FBXL7: variants seen among roughly 807,000 people sequenced by gnomAD.
FBXL7 encodes F-box/LRR-repeat protein 7.
FBXL7 carries 12 observed loss-of-function variants against 38.3 expected under a neutral mutation model. That is an observed-to-expected ratio of 0.31 (90% CI 0.20 to 0.51). FBXL7 has a LOEUF of 0.51. Ranked by LOEUF, FBXL7 falls within the 20% of genes least tolerant of loss-of-function variation. The pLI, the probability that FBXL7 is intolerant of heterozygous loss-of-function variation, is 0.98. For synonymous variants in FBXL7, 297 were observed against 300.9 expected (o/e 0.99, Z 0.13); for missense variants, 567 against 676.4 (o/e 0.84, Z 1.79).
chr5:15,778,661 C>T (rs567316925), intron 2 of FBXL7, among the ~76,000 whole-genome samples: 71 of 152,240 alleles, frequency 4.7e-4, no homozygotes, highest in African/African-American at 1.7e-3. Context: ...CAGCTCATTT[C>T]ATCACATCCT....
At chr5:15,895,633 CTTTTTTTTTTTT>C (rs903652361) in intron 2 of FBXL7, among the ~76,000 whole-genome samples, 37 of 98,072 alleles carry the variant, frequency 3.8e-4, no homozygotes, top group Admixed American at 1.7e-3. Context: ...CTTTTTCATA[CTTTTTTTTTTTT>C]TTTTTTTTTT....
chr5:15,593,798 C>T (rs146754686), intron 1 of FBXL7, among the ~76,000 whole-genome samples: 6 of 152,214 alleles, frequency 3.9e-5, no homozygotes, highest in Admixed American at 1.3e-4. Context: ...ATTGGCAACT[C>T]ACTATGGATG....
In FBXL7 at chr5:15,928,072, G is replaced by A. The variant is rs753753518; in HGVS notation, c.310G>A (p.Ala104Thr). The change falls in exon 3 of 4, where the codon GCC becomes ACC. Residue 104 changes from alanine to threonine, a missense_variant. Physicochemically the swap from Ala to Thr is moderately conservative, Grantham distance 58. Coordinates refer to ENST00000504595, the MANE Select transcript of FBXL7 (RefSeq NM_012304.5). The surrounding 1 kb of genome is among the most constrained non-coding windows in gnomAD (Gnocchi z 4.0). ...CCTCACACACCCGCTCATCCGGCTC[G>A]CCTCCAGACCCCAGAAGGAGCAGGC... Reference protein sequence around the residue: ...TRLTHPLIRLASRPQKEQASI... With the variant: ...TRLTHPLIRLTSRPQKEQASI... The A allele has an allele frequency of 2.0e-6, 3 of 1,490,784 alleles. No individual in the cohort carries two copies. Among genetic ancestry groups the A allele is most frequent in the Admixed American group, 3.9e-5 (2 of 51,854 alleles). 92.3% of individuals were successfully genotyped at this position (1,490,784 alleles called of 1,614,324 possible).
intron 1 of FBXL7, among the ~76,000 whole-genome samples, chr5:15,518,105 C>G (rs564044705): frequency 3.9e-5 from 6 of 152,246 alleles, no homozygotes; most frequent in Non-Finnish European, 7.4e-5. Flanking sequence ...ATTCTCCTGT[C>G]TCAGCCTCCT....
At chr5:15,763,460 G>A (rs1296097805) in intron 2 of FBXL7, among the ~76,000 whole-genome samples, 1 of 152,086 alleles carries the variant, frequency 6.6e-6, no homozygotes, top group Admixed American at 6.6e-5. Flanking sequence ...AAAGTACGTT[G>A]GCATCTGTAA....
intron 1 of FBXL7, among the ~76,000 whole-genome samples, chr5:15,579,576 T>C (rs1190825127): frequency 6.6e-6 from 1 of 152,226 alleles, no homozygotes; most frequent in Non-Finnish European, 1.5e-5. Context: ...TGTTTATCAT[T>C]GTGTGGCAGC....
intron 2 of FBXL7, among the ~76,000 whole-genome samples, chr5:15,792,067 T>C (rs1364260058): frequency 1.3e-5 from 2 of 152,132 alleles, no homozygotes; most frequent in Non-Finnish European, 2.9e-5. Context: ...GCTTTACCAA[T>C]AGCAAACCAC....
intron 2 of FBXL7, among the ~76,000 whole-genome samples, chr5:15,777,693 C>T (rs1462934430): frequency 8.5e-6 from 1 of 117,696 alleles, no homozygotes; most frequent in Non-Finnish European, 1.6e-5. Flanking sequence ...AAATTGGCTA[C>T]GTATTGTTTG....
intron 1 of FBXL7, among the ~76,000 whole-genome samples, chr5:15,565,662 T>G (rs1462742190): frequency 1.3e-5 from 2 of 152,000 alleles, no homozygotes; most frequent in Non-Finnish European, 2.9e-5. Flanking sequence ...TCAGCAAGCC[T>G]GAAACCCGGG....
intron 1 of FBXL7, among the ~76,000 whole-genome samples, chr5:15,594,820 T>TG (rs1447909489): frequency 2.0e-5 from 3 of 152,244 alleles, no homozygotes; most frequent in African/African-American, 7.2e-5. Context: ...TTGCAGAAGT[T>TG]CCTGATTGCA....
At chr5:15,567,179 T>C (rs556299222) in intron 1 of FBXL7, among the ~76,000 whole-genome samples, 24 of 152,222 alleles carry the variant, frequency 1.6e-4, no homozygotes, top group Non-Finnish European at 2.9e-4. Context: ...TTTAGACATA[T>C]TTCATTCATA....
At chr5:15,868,184 C>T (rs1434243847) in intron 2 of FBXL7, among the ~76,000 whole-genome samples, 1 of 152,008 alleles carries the variant, frequency 6.6e-6, no homozygotes, top group East Asian at 1.9e-4. Context: ...GGGAGCAGCC[C>T]CTGGCTGGCA....
intron 2 of FBXL7, among the ~76,000 whole-genome samples, chr5:15,696,567 C>A (rs1743345069): frequency 6.6e-6 from 1 of 152,140 alleles, no homozygotes; most frequent in Non-Finnish European, 1.5e-5. Context: ...ATCATCCCAC[C>A]CAACCTTGCC....
intron 2 of FBXL7, among the ~76,000 whole-genome samples, chr5:15,719,603 A>G (rs1744138409): frequency 6.7e-6 from 1 of 148,960 alleles, no homozygotes; most frequent in Non-Finnish European, 1.5e-5. Flanking sequence ...CATACAGAAA[A>G]CAATCAAATA....
chr5:15,531,593 T>C (rs1377575123), intron 1 of FBXL7, among the ~76,000 whole-genome samples: 1 of 152,232 alleles, frequency 6.6e-6, no homozygotes, highest in Non-Finnish European at 1.5e-5. Flanking sequence ...TAAGAGGGCA[T>C]GTTGAAGACA....
chr5:15,817,892 A>G (rs1379357728), intron 2 of FBXL7, among the ~76,000 whole-genome samples: 1 of 152,168 alleles, frequency 6.6e-6, no homozygotes, highest in Non-Finnish European at 1.5e-5. Flanking sequence ...ATGTGTCTCC[A>G]TGATCCAGCC....
Position 15,594,629 on chromosome 5 carries a change from G to C in FBXL7, c.38-21354G>C, listed in dbSNP as rs76058396. On this transcript the variant is annotated intron_variant, in intron 1 of 3. Coordinates refer to ENST00000504595, the MANE Select transcript of FBXL7 (RefSeq NM_012304.5). ...CAGTACGGCTTCAGAGACCTGAAGA[G>C]GCTGCTGCTAGAGAAGGGGCCAGTC... is the stretch of plus-strand genomic sequence containing the variant. Among the ~76,000 whole-genome samples the C allele has an allele frequency of 1.1e-3, 166 of 152,336 alleles. 3 individuals carry two copies. In the East Asian group the frequency reaches 0.028, roughly 26 times the overall value.
intron 1 of FBXL7, among the ~76,000 whole-genome samples, chr5:15,533,320 G>A (rs2126395102): frequency 6.6e-6 from 1 of 152,246 alleles, no homozygotes; most frequent in Non-Finnish European, 1.5e-5. Context: ...GGGACAAATT[G>A]TTTTCTTATT....
At chr5:15,743,103 C>T (rs1044712879) in intron 2 of FBXL7, among the ~76,000 whole-genome samples, 1 of 152,140 alleles carries the variant, frequency 6.6e-6, no homozygotes, top group Non-Finnish European at 1.5e-5. Context: ...ACCATATCAT[C>T]TCACTCCTGG....
Sources: gnomAD v4.1 joint callset for allele counts (sites outside exome capture counted in the v4.1 genomes callset) on GRCh38, gnomAD v4.1.1 for gene constraint, Gnocchi (gnomAD v3.1) non-coding constraint, MANE v1.5 for transcripts, NCBI Gene and HGNC (gene_info 2026-07-23, HGNC 2026-07-21) for gene names.